The following OR56A3 variants were observed in gnomAD, a reference collection of about 807,000 sequenced individuals.
The protein encoded by OR56A3 is olfactory receptor family 56 subfamily A member 3, also known as olfactory receptor 56A3.
Under a neutral mutation model 17.5 loss-of-function variants are expected in OR56A3, and 23 were observed. The ratio of observed to expected loss-of-function variants is 1.32; its 90% CI spans 0.95 to 1.87. OR56A3 has a LOEUF of 1.87. Among genes scored for constraint, OR56A3 ranks in the 40% most tolerant of loss-of-function variants. OR56A3 has a pLI of 0.00. For synonymous variants in OR56A3, 175 were observed against 150.6 expected (o/e 1.16, Z -1.19); for missense variants, 366 against 380.1 (o/e 0.96, Z 0.31).
At chr11:5,961,032 G>A in the OR56A3 span, among the ~76,000 whole-genome samples, 11 of 151,318 alleles carry the variant, frequency 7.3e-5, no homozygotes, top group East Asian at 2.0e-4. Context: ...CCCGGCAGCC[G>A]CCCCCCGTCT....
At chr11:5,994,650 G>A in the OR56A3 span, 1 of 782,580 alleles carries the variant, frequency 1.3e-6, no homozygotes. Context: ...CACATGGCCA[G>A]TTCTGTCTCA....
At chr11:5,999,724 T>C in the OR56A3 span, 1 of 152,226 alleles carries the variant, frequency 6.6e-6, no homozygotes, top group Non-Finnish European at 1.5e-5. Flanking sequence ...GTTCTACAGA[T>C]TTTGTTCAAC....
the OR56A3 span, among the ~76,000 whole-genome samples, chr11:5,960,294 C>G: frequency 6.6e-6 from 1 of 151,614 alleles, no homozygotes; most frequent in Non-Finnish European, 1.5e-5. Flanking sequence ...TTTGCATGGT[C>G]TCCCTCTGAT....
At chr11:5,970,161 T>C in the OR56A3 span, among the ~76,000 whole-genome samples, 1 of 152,340 alleles carries the variant, frequency 6.6e-6, no homozygotes, top group African/African-American at 2.4e-5. Flanking sequence ...TTTAAATTCA[T>C]TTGAAAGTTA....
chr11:5,994,363 T>C, the OR56A3 span: 5 of 698,806 alleles, frequency 7.2e-6, no homozygotes, highest in South Asian at 6.8e-5. Context: ...GACCAGTACT[T>C]GTCCAGCTTC....
chr11:5,978,519 G>A, the OR56A3 span, among the ~76,000 whole-genome samples: 1 of 151,888 alleles, frequency 6.6e-6, no homozygotes, highest in Non-Finnish European at 1.5e-5. Flanking sequence ...AGCTTGGATA[G>A]TATTGGTGTG....
At chr11:5,986,087 A>G in the OR56A3 span, 1 of 1,614,010 alleles carries the variant, frequency 6.2e-7, no homozygotes, top group Non-Finnish European at 8.5e-7. Flanking sequence ...TGATGACCAA[A>G]GCGGTGAGTG....
the OR56A3 span, among the ~76,000 whole-genome samples, chr11:5,992,793 C>A: frequency 6.6e-6 from 1 of 152,156 alleles, no homozygotes; most frequent in Non-Finnish European, 1.5e-5. Flanking sequence ...AACAAGCTTC[C>A]CACTGAAATA....
intron 1 of OR56A3, 149 bp downstream of exon 1, chr11:5,942,523 A>T (rs7125355): frequency 0.58 from 87,472 of 152,056 alleles, 25,272 homozygotes; most frequent in East Asian, 0.63. Context: ...GGAGCCAAGT[A>T]AAGAAAATTT....
chr11:5,991,795 T>C, the OR56A3 span, among the ~76,000 whole-genome samples: 3 of 152,156 alleles, frequency 2.0e-5, no homozygotes, highest in Non-Finnish European at 2.9e-5. Context: ...CTTGATACTT[T>C]CCCAGGGCAG....
downstream of OR56A3, among the ~76,000 whole-genome samples, chr11:5,951,896 T>A (rs1015575438): frequency 2.0e-5 from 3 of 152,146 alleles, no homozygotes; most frequent in Non-Finnish European, 4.4e-5. Flanking sequence ...TAGAAAATGT[T>A]ATGAAGAAAA....
the OR56A3 span, among the ~76,000 whole-genome samples, chr11:6,004,023 T>G: frequency 2.6e-5 from 4 of 152,204 alleles, no homozygotes; most frequent in East Asian, 7.7e-4. Context: ...GGCCAAATAC[T>G]AAGAAGGGTA....
chr11:5,991,270 G>A, the OR56A3 span, among the ~76,000 whole-genome samples: 5 of 152,304 alleles, frequency 3.3e-5, no homozygotes, highest in East Asian at 3.9e-4. Context: ...CCCTGTGAAT[G>A]CCTCAGGCTG....
chr11:5,958,954 G>C, the OR56A3 span, among the ~76,000 whole-genome samples: 1 of 152,182 alleles, frequency 6.6e-6, no homozygotes. Context: ...TCGCAAGTGA[G>C]AAGATTCCAT....
chr11:6,011,225 C>T, the OR56A3 span, among the ~76,000 whole-genome samples: 64 of 99,694 alleles, frequency 6.4e-4, no homozygotes, highest in Non-Finnish European at 9.9e-4. Context: ...TATATATACA[C>T]ACATATATTT....
chr11:5,943,615 C>G (rs1241566662), intron 1 of OR56A3: 1 of 151,780 alleles, frequency 6.6e-6, no homozygotes, highest in East Asian at 1.9e-4. Flanking sequence ...CAAAAGGCTC[C>G]TAGAACAGAT....
At chr11:5,993,883 C>G in the OR56A3 span, 1 of 519,062 alleles carries the variant, frequency 1.9e-6, no homozygotes, top group Non-Finnish European at 3.5e-6. Context: ...CTTAATGTCT[C>G]AGAACTTTGG....
At chr11:5,967,512 CA>C in the OR56A3 span, 1 of 1,329,348 alleles carries the variant, frequency 7.5e-7, no homozygotes, top group Non-Finnish European at 1.0e-6. Flanking sequence ...TCTCCAATAT[CA>C]ATTTCTGTTT....
chr11:5,998,448 A>G, the OR56A3 span, among the ~76,000 whole-genome samples: 4,694 of 152,278 alleles, frequency 0.031, 266 homozygotes, highest in African/African-American at 0.11. Flanking sequence ...AATAAAGCAA[A>G]AAAAGGGGAA....
Sources: gnomAD v4.1 joint callset for allele counts (sites outside exome capture counted in the v4.1 genomes callset) on GRCh38, gnomAD v4.1.1 for gene constraint, MANE v1.5 for transcripts, NCBI Gene and HGNC (gene_info 2026-07-23, HGNC 2026-07-21) for gene names.